The following CSMD3 variants were observed in gnomAD, a reference collection of about 807,000 sequenced individuals.
CSMD3 encodes CUB and sushi domain-containing protein 3.
Under a neutral mutation model 435.2 loss-of-function variants are expected in CSMD3, and 177 were observed. The observed-to-expected ratio is 0.41, with a 90% confidence interval of 0.36 to 0.46. The LOEUF is 0.46. Ranked by LOEUF, CSMD3 falls within the 20% of genes least tolerant of loss-of-function variation. CSMD3 has a pLI of 0.34. For missense variants in CSMD3, 4,265 were observed against 4,504.6 expected (o/e 0.95, Z 1.52); for synonymous variants, 1,656 against 1,520.5 (o/e 1.09, Z -2.07).
chr8:112,682,487 T>C lies in CSMD3; in HGVS notation c.2632A>G (p.Met878Val). 4 of 1,613,262 alleles carry C rather than the reference T, an allele frequency of 2.5e-6. No homozygotes were observed. The highest frequency in any genetic ancestry group is 3.4e-6 in the Non-Finnish European group (4 of 1,179,834). The change falls in exon 16 of 71, where the codon ATG becomes GTG. Residue 878 changes from methionine (M) to valine (V), a missense_variant. Coordinates refer to ENST00000297405, the MANE Select transcript of CSMD3 (RefSeq NM_198123.2). Reference protein sequence around the residue: ...QGTETITCILMDGKVMWSGLI... With the variant: ...QGTETITCILVDGKVMWSGLI... ...CCACTCCACATTACTTTTCCATCCA[T>C]AAGAATACATGTAATTGTTTCTGTT...
At chr8:112,901,772 T>C (rs546715021) in intron 10 of CSMD3, among the ~76,000 whole-genome samples, 7 of 151,352 alleles carry the variant, frequency 4.6e-5, no homozygotes, top group South Asian at 2.1e-4. Context: ...GTAGACAGGA[T>C]AGTTCAAACT....
intron 2 of CSMD3, among the ~76,000 whole-genome samples, chr8:113,281,450 G>C (rs1309467820): frequency 6.6e-6 from 1 of 151,754 alleles, no homozygotes; most frequent in East Asian, 1.9e-4. Flanking sequence ...AACTGCTGTT[G>C]CTTTAAAGTT....
chr8:113,361,703 T>G (rs1040831792), intron 1 of CSMD3, among the ~76,000 whole-genome samples: 3 of 80,718 alleles, frequency 3.7e-5, no homozygotes, highest in African/African-American at 1.5e-4. Flanking sequence ...CATCGAAAAT[T>G]TATACATGTG....
intron 3 of CSMD3, among the ~76,000 whole-genome samples, chr8:113,204,696 A>T (rs1352751213): frequency 1.3e-5 from 2 of 152,076 alleles, no homozygotes; most frequent in Non-Finnish European, 2.9e-5. Context: ...AATATTTCAT[A>T]TGGTATTTTT....
Position 112,794,285 on chromosome 8 carries a change from C to CTTTTTTTTTTTTTTTTTTTTTT in CSMD3, c.1972+5855_1972+5876dup, listed in dbSNP as rs1203991072. On this transcript the variant is annotated intron_variant, in intron 13 of 70. Transcript: ENST00000297405. ...TTGCCCCAGATGCTGGACTGATAAACTTTTTTTTTTTTTTTTTTTTTTTTT... is the reference window on the plus strand; with the variant it reads ...TTGCCCCAGATGCTGGACTGATAAACTTTTTTTTTTTTTTTTTTTTTTTTTTTTTTTTTTTTTTTTTTTTTTT... Among the ~76,000 whole-genome samples the CTTTTTTTTTTTTTTTTTTTTTT allele has an allele frequency of 8.3e-5, 8 of 96,302 alleles. 2 individuals are homozygous for CTTTTTTTTTTTTTTTTTTTTTT. Among genetic ancestry groups the CTTTTTTTTTTTTTTTTTTTTTT allele is most frequent in the Non-Finnish European group, 8.2e-5 (4 of 48,998 alleles). 63.2% of individuals were successfully genotyped at this position (96,302 alleles called of 152,430 possible). A position where few individuals can be genotyped will look rare whatever the true frequency, so the allele number is the denominator to read the frequency against.
chr8:112,842,383 G>A (rs942279164), intron 11 of CSMD3, among the ~76,000 whole-genome samples: 6 of 151,808 alleles, frequency 4.0e-5, no homozygotes, highest in Admixed American at 1.3e-4. Flanking sequence ...AATATTTCAA[G>A]ATCTGAAATG....
intron 14 of CSMD3, among the ~76,000 whole-genome samples, chr8:112,688,266 T>C (rs911686517): frequency 3.3e-5 from 5 of 152,162 alleles, no homozygotes; most frequent in East Asian, 1.9e-4. Flanking sequence ...ATCAGATAGA[T>C]AGATGCTTAT....
rs142525650 is a variant in CSMD3, at chr8:112,243,922, G to C, written c.10402+472C>G. Among the ~76,000 whole-genome samples the C allele has an allele frequency of 4.2e-3, 638 of 152,216 alleles. 2 individuals are homozygous for C. The highest frequency in any genetic ancestry group is 0.02 in the Middle Eastern group (6 of 294). On this transcript the variant is annotated intron_variant, in intron 65 of 70. Transcript: ENST00000297405. Reference sequence around the variant, plus strand: ...ATATTGAAATGGGGTAGAAATTGGAGTAAGGCTAGGAGCCAATGAATACCC... The same window carrying C: ...ATATTGAAATGGGGTAGAAATTGGACTAAGGCTAGGAGCCAATGAATACCC...
chr8:112,587,213 C>T lies in CSMD3; in HGVS notation c.3738G>A (p.Thr1246=), dbSNP rs1395803496. ...RCVAECGASA[T]NNEGILLSPN... ...GAGACAGCAAAATTCCTTCATTATT[C>T]GTTGCAGATGCACCACATTCAGCTG... Residue 1246 remains threonine (T), a synonymous_variant, in exon 23 of 71, where the codon ACG becomes ACA. Coordinates refer to ENST00000297405, the MANE Select transcript of CSMD3 (RefSeq NM_198123.2). 13 of 1,609,456 alleles carry T rather than the reference C, an allele frequency of 8.1e-6. No individual in the cohort carries two copies. The highest frequency in any genetic ancestry group is 6.7e-5 in the East Asian group (3 of 44,710).
intron 10 of CSMD3, among the ~76,000 whole-genome samples, chr8:112,892,334 C>T (rs1033790703): frequency 1.7e-4 from 25 of 151,106 alleles, no homozygotes; most frequent in Non-Finnish European, 3.3e-4. Flanking sequence ...AATTAAAAGC[C>T]TTGAGTTTTA....
intron 13 of CSMD3, among the ~76,000 whole-genome samples, chr8:112,702,565 T>G (rs2076410681): frequency 6.6e-6 from 1 of 152,104 alleles, no homozygotes; most frequent in Admixed American, 6.6e-5. Context: ...CTCTGCTCGC[T>G]TTTTGCACTT....
intron 3 of CSMD3, among the ~76,000 whole-genome samples, chr8:113,193,285 A>C (rs1309626478): frequency 6.6e-6 from 1 of 151,426 alleles, no homozygotes; most frequent in Non-Finnish European, 1.5e-5. Context: ...CTGAGGTAGA[A>C]AATGGGAAGA....
rs72678501 is a variant in CSMD3 at position 112,762,346 on chromosome 8, A to T, written c.1972+37816T>A. 9.2e-3 allele frequency among the ~76,000 whole-genome samples: 1,402 copies of T among 152,066 alleles called. 12 individuals are homozygous for T. Among genetic ancestry groups the T allele is most frequent in the Non-Finnish European group, 0.015 (1,010 of 67,882 alleles). ...AAAGGATATCGGATTAGATGATTCA[A>T]TTCAAGCATGTATTATCAAGCAGCT... On this transcript the variant is annotated intron_variant, in intron 13 of 70. Transcript: ENST00000297405.
chr8:112,846,152 A>G (rs1251689281), intron 11 of CSMD3, among the ~76,000 whole-genome samples: 1 of 151,040 alleles, frequency 6.6e-6, no homozygotes, highest in African/African-American at 2.4e-5. Context: ...ACAAAATTAA[A>G]GTGGAAAATG....
chr8:112,911,469 C>G (rs1356364632), intron 10 of CSMD3, among the ~76,000 whole-genome samples: 3 of 151,700 alleles, frequency 2.0e-5, no homozygotes, highest in African/African-American at 7.2e-5. Flanking sequence ...TCATCAGGCT[C>G]AACTTTTTAG....
chr8:112,912,083 T>TTATA (rs200787813), intron 10 of CSMD3, among the ~76,000 whole-genome samples: 9 of 147,228 alleles, frequency 6.1e-5, no homozygotes, highest in South Asian at 2.1e-4. Flanking sequence ...TCAAGGAGTT[T>TTATA]TATATATATA....
chr8:112,346,353 A>G (rs2131025509), intron 40 of CSMD3, 140 bp from the exon 41 acceptor site: 6 of 684,876 alleles, frequency 8.8e-6, no homozygotes, highest in Non-Finnish European at 1.6e-5. Flanking sequence ...TTCACTCACT[A>G]TACACTAGGA....
At chr8:112,363,595 G>A (rs4876466) in intron 38 of CSMD3, among the ~76,000 whole-genome samples, 27,239 of 151,790 alleles carry the variant, frequency 0.18, 3,016 homozygotes, top group Middle Eastern at 0.35. Context: ...TATAACTAGA[G>A]AAATGTATGA....
At chr8:112,282,372 C>T (rs928336114) in intron 58 of CSMD3, among the ~76,000 whole-genome samples, 3 of 151,940 alleles carry the variant, frequency 2.0e-5, no homozygotes, top group African/African-American at 7.2e-5. Context: ...GACATTTTTA[C>T]TTTGTTGTTA....
Sources: gnomAD v4.1 joint callset for allele counts (sites outside exome capture counted in the v4.1 genomes callset) on GRCh38, gnomAD v4.1.1 for gene constraint, MANE v1.5 for transcripts, NCBI Gene and HGNC (gene_info 2026-07-23, HGNC 2026-07-21) for gene names.